Variants in TF observed in about 807,000 individuals in gnomAD.
TF encodes transferrin.
Under a neutral mutation model 82.4 loss-of-function variants are expected in TF, and 55 were observed. The observed-to-expected ratio is 0.67, with a 90% CI of 0.54 to 0.84. The LOEUF is 0.84. Among genes scored for constraint, TF ranks in the 40% least tolerant of loss-of-function variants. The probability of loss-of-function intolerance (pLI) is 0.00; values close to 1 mark genes in which losing one functional copy is unlikely to be tolerated. For synonymous variants in TF, 332 were observed against 332.6 expected, an observed-to-expected ratio of 1.00 and a Z score of 0.02; for missense variants, 737 against 868.4, an observed-to-expected ratio of 0.85 and a Z score of 1.90.
chr3:133,785,016 C>T lies in TF; in HGVS notation c.*6396C>T, dbSNP rs1299897494. 2.3e-4 allele frequency: 30 copies of T among 130,332 alleles called. 2 individuals are homozygous for T. The highest frequency in any genetic ancestry group is 7.7e-4 in the African/African-American group (29 of 37,812). The allele number at this position is 130,332 out of a possible 1,614,324, so 8.1% of individuals were successfully genotyped here. A position where few individuals can be genotyped will look rare whatever the true frequency, so the allele number is the denominator to read the frequency against. Reference sequence around the variant, plus strand: ...GAGGTGGGGGGGTCAGCCCCCCGCCCGGCCAGCCGCCCCGTCTGGGAGGTG... The same window carrying T: ...GAGGTGGGGGGGTCAGCCCCCCGCCTGGCCAGCCGCCCCGTCTGGGAGGTG... On this transcript the variant is annotated 3_prime_UTR_variant, in exon 17 of 17. Coordinates refer to ENST00000402696, the MANE Select transcript of TF (RefSeq NM_001063.4).
chr3:133,736,916 A>AG, the TF span, among the ~76,000 whole-genome samples: 2 of 152,178 alleles, frequency 1.3e-5, no homozygotes, highest in Non-Finnish European at 2.9e-5. Context: ...TTAATGAGAC[A>AG]AAAAATTAAC....
chr3:133,738,527 CTGTT>C, the TF span, among the ~76,000 whole-genome samples: 1 of 152,204 alleles, frequency 6.6e-6, no homozygotes, highest in Non-Finnish European at 1.5e-5. Flanking sequence ...CAAATTCTCT[CTGTT>C]TGCAGATGAC....
intron 8 of TF, among the ~76,000 whole-genome samples, chr3:133,758,869 C>T (rs963153111): frequency 2.6e-5 from 4 of 152,072 alleles, no homozygotes; most frequent in Non-Finnish European, 4.4e-5. Flanking sequence ...TAAATAAGAA[C>T]ACCTCCAGTA....
rs977403085 is a variant in TF at position 133,779,632 on chromosome 3, G to T, written c.*1012G>T. 3.3e-5 allele frequency: 5 copies of T among 152,362 alleles called. No homozygotes were observed. The highest frequency in any genetic ancestry group is 1.2e-4 in the African/African-American group (5 of 41,396). 9.4% of individuals were successfully genotyped at this position (152,362 alleles called of 1,614,324 possible). On this transcript the variant is annotated 3_prime_UTR_variant, in exon 17 of 17. Coordinates refer to ENST00000402696, the MANE Select transcript of TF (RefSeq NM_001063.4). Reference sequence around the variant, plus strand: ...TCTTCCTGGGGTTTTCTCTTGATCTGGTCAGTGCTCCTCTCACTTTGCAGG... The same window carrying T: ...TCTTCCTGGGGTTTTCTCTTGATCTTGTCAGTGCTCCTCTCACTTTGCAGG...
intron 1 of TF, chr3:133,748,089 G>T (rs1172262070): frequency 2.5e-6 from 1 of 403,864 alleles, no homozygotes. Flanking sequence ...TTCCATGGGG[G>T]GCCAGGGGCC....
intron 5 of TF, 55 bp from the exon 6 acceptor site, chr3:133,756,227 T>G: frequency 6.4e-7 from 1 of 1,552,738 alleles, no homozygotes; most frequent in Non-Finnish European, 8.9e-7. Flanking sequence ...ACTCTCCAGG[T>G]GCAGGAGAAG....
In TF at chr3:133,766,179, T is replaced by C. The variant is rs1052358890; in HGVS notation, c.1331-99T>C. 4 of 1,133,576 alleles carry C rather than the reference T, an allele frequency of 3.5e-6. No individual in the cohort carries two copies. In the African/African-American group the frequency reaches 4.6e-5, roughly 13 times the overall value. The allele number at this position is 1,133,576 out of a possible 1,614,324, so 70.2% of individuals were successfully genotyped here. ...GATCCTCTCAAGACACAATGACTGA[T>C]TGAGGATATCTTTGCTTCCCTAGGG... On this transcript the variant is annotated intron_variant, in intron 11 of 16. Coordinates refer to ENST00000402696, the MANE Select transcript of TF (RefSeq NM_001063.4).
chr3:133,695,358 C>T, the TF span, among the ~76,000 whole-genome samples: 44 of 151,064 alleles, frequency 2.9e-4, no homozygotes, highest in Non-Finnish European at 4.9e-4. Context: ...AGCGATTCTC[C>T]TGCCTTAGCC....
chr3:133,748,409 C>A lies in TF; in HGVS notation c.44-3C>A. The A allele has an allele frequency of 6.2e-7, 1 of 1,614,074 alleles. No homozygotes were observed. The highest frequency in any genetic ancestry group is 8.5e-7 in the Non-Finnish European group (1 of 1,180,012). On this transcript the variant is annotated splice_region_variant and splice_polypyrimidine_tract_variant and intron_variant, in intron 1 of 16. Coordinates refer to ENST00000402696, the MANE Select transcript of TF (RefSeq NM_001063.4). ...CCTTCCACCTCTGGCCTCTCTCCCC[C>A]AGGGCTGTGTCTGGCTGTCCCTGAT...
At chr3:133,680,629 C>T in the TF span, among the ~76,000 whole-genome samples, 1 of 151,824 alleles carries the variant, frequency 6.6e-6, no homozygotes, top group Non-Finnish European at 1.5e-5. Flanking sequence ...ACATGGCCTG[C>T]ATAATTCTAC....
rs1934938765 is a variant in TF at position 133,795,337 on chromosome 3, T to G, written c.*16717T>G. On this transcript the variant is annotated 3_prime_UTR_variant, in exon 17 of 17. Transcript: ENST00000402696. ...ATAATAGTCTCCCTGGTGTGCTGTA[T>G]TCTCTCAACGGTTTTAAATGTTTGC... The G allele has an allele frequency of 6.6e-6, 1 of 152,210 alleles. No homozygotes were observed. The highest frequency in any genetic ancestry group is 2.4e-5 in the African/African-American group (1 of 41,448). The allele number at this position is 152,210 out of a possible 1,614,324, so 9.4% of individuals were successfully genotyped here.
At chr3:133,684,323 G>A in the TF span, among the ~76,000 whole-genome samples, 3 of 152,174 alleles carry the variant, frequency 2.0e-5, no homozygotes, top group Non-Finnish European at 2.9e-5. Context: ...GCATTCAAAA[G>A]CTAGCAGAAG....
the TF span, among the ~76,000 whole-genome samples, chr3:133,690,238 T>G: frequency 1.2e-4 from 18 of 152,032 alleles, 2 homozygotes; most frequent in South Asian, 3.5e-3. Context: ...AACCACAAAC[T>G]ATATAAAGTT....
chr3:133,706,931 C>T, the TF span, among the ~76,000 whole-genome samples: 1 of 152,178 alleles, frequency 6.6e-6, no homozygotes, highest in Non-Finnish European at 1.5e-5. Flanking sequence ...GTCTAAGAAG[C>T]CTTCTTTAAA....
chr3:133,746,253 A>G (rs1933493867), upstream of TF: 4 of 671,108 alleles, frequency 6.0e-6, no homozygotes, highest in Non-Finnish European at 1.1e-5. Flanking sequence ...AAATGAGGTG[A>G]TCAGTGGGAC....
chr3:133,665,205 A>T, the TF span, among the ~76,000 whole-genome samples: 2 of 152,278 alleles, frequency 1.3e-5, no homozygotes, highest in East Asian at 3.9e-4. Flanking sequence ...TATGGCTCAC[A>T]TCTGTAATCC....
the TF span, among the ~76,000 whole-genome samples, chr3:133,730,348 C>CT: frequency 5.3e-5 from 8 of 152,220 alleles, no homozygotes; most frequent in African/African-American, 1.9e-4. Flanking sequence ...AAGCCATAGG[C>CT]ATGCCTATCC....
chr3:133,735,305 A>C, the TF span, among the ~76,000 whole-genome samples: 16,888 of 150,154 alleles, frequency 0.11, 1,194 homozygotes, highest in Non-Finnish European at 0.15. Flanking sequence ...ACACCACTGC[A>C]CTCTAGCCTG....
intron 1 of TF, among the ~76,000 whole-genome samples, chr3:133,747,852 G>T (rs964153100): frequency 6.6e-6 from 1 of 151,928 alleles, no homozygotes; most frequent in African/African-American, 2.4e-5. Context: ...CTTCTTTTGT[G>T]CCCTGAGTAG....
Sources: allele counts gnomAD v4.1 joint callset (sites outside exome capture counted in the v4.1 genomes callset), GRCh38; gene constraint gnomAD v4.1.1; transcripts MANE v1.5; gene names NCBI Gene and HGNC (gene_info 2026-07-23, HGNC 2026-07-21).